The following TPTE2 variants were observed in gnomAD, a reference collection of about 807,000 sequenced individuals.
TPTE2 encodes the protein transmembrane phosphoinositide 3-phosphatase and tensin homolog 2.
A neutral mutation model predicts 78.6 loss-of-function variants in TPTE2; 53 were observed. The ratio of observed to expected loss-of-function variants is 0.67; its 90% CI spans 0.54 to 0.85. TPTE2 has a LOEUF of 0.85. Among genes scored for constraint, TPTE2 ranks in the 40% least tolerant of loss-of-function variants. The pLI is 0.00. For missense variants in TPTE2, 461 were observed against 623.0 expected (o/e 0.74, Z 2.77); for synonymous variants, 175 against 206.2 (o/e 0.85, Z 1.30).
chr13:19,514,251 C>A (rs1869644192), intron 1 of TPTE2, among the ~76,000 whole-genome samples: 1 of 152,162 alleles, frequency 6.6e-6, no homozygotes, highest in Non-Finnish European at 1.5e-5. Flanking sequence ...CTGACCTGAT[C>A]TTATTTTCTC....
rs564619137 is a variant in TPTE2, at chr13:19,476,492, C to T, written c.180-869G>A. Reference sequence around the variant, plus strand: ...CTAAGACAATGCTCACAGCCTGTGCCTAAGACTGGAGAACAAAGAGGGCAG... The same window carrying T: ...CTAAGACAATGCTCACAGCCTGTGCTTAAGACTGGAGAACAAAGAGGGCAG... On this transcript the variant is annotated intron_variant, in intron 4 of 19. Coordinates refer to ENST00000400230, the Ensembl canonical transcript of TPTE2. Among the ~76,000 whole-genome samples, 461 of 152,064 alleles carry T rather than the reference C, an allele frequency of 3.0e-3. 1 individual carries two copies. The Middle Eastern group carries it at 0.041, about 14-fold the overall frequency.
At chr13:19,513,960 T>C (rs1404050378) in intron 1 of TPTE2, among the ~76,000 whole-genome samples, 1 of 152,188 alleles carries the variant, frequency 6.6e-6, no homozygotes, top group Non-Finnish European at 1.5e-5. Context: ...TGACTAAACC[T>C]GAGGCAGGGG....
At chr13:19,509,850 G>A (rs1430001095) in intron 1 of TPTE2, among the ~76,000 whole-genome samples, 1 of 152,010 alleles carries the variant, frequency 6.6e-6, no homozygotes, top group African/African-American at 2.4e-5. Context: ...ATATAAACAA[G>A]GAAAAAGGAT....
chr13:19,537,864 C>T (rs1871298974), upstream of TPTE2, among the ~76,000 whole-genome samples: 1 of 152,146 alleles, frequency 6.6e-6, no homozygotes, highest in Admixed American at 6.5e-5. Flanking sequence ...CTCAGCCTCC[C>T]AAAGTGCTGG....
rs201566674 is a variant in TPTE2 at position 19,432,515 on chromosome 13, G to A, written c.1180C>T (p.Arg394Trp). 3.0e-4 allele frequency: 479 copies of A among 1,607,304 alleles called. 1 individual carries two copies. In the East Asian group the frequency reaches 6.2e-3, roughly 21 times the overall value. Residue 394 changes from arginine (R) to tryptophan (W), a missense_variant, in exon 16 of 20, where the codon CGG becomes TGG. Transcript: ENST00000400230. ...ATGAATCTTTTTATAAAGAGTATCC[G>A]TCTTGGAGGGAGATTCCAGTTGTAG...
intron 6 of TPTE2, among the ~76,000 whole-genome samples, chr13:19,472,601 C>G (rs918021097): frequency 6.6e-6 from 1 of 152,178 alleles, no homozygotes; most frequent in African/African-American, 2.4e-5. Context: ...TCCCTCAACA[C>G]AGCTATTTTG....
upstream of TPTE2, among the ~76,000 whole-genome samples, chr13:19,537,066 A>G (rs571953344): frequency 1.3e-5 from 2 of 151,862 alleles, no homozygotes; most frequent in African/African-American, 2.4e-5. Flanking sequence ...TTGGCCTTCT[A>G]AGGGTTATGC....
At chr13:19,509,240 C>A (rs1869269917) in intron 1 of TPTE2, among the ~76,000 whole-genome samples, 1 of 151,996 alleles carries the variant, frequency 6.6e-6, no homozygotes, top group Non-Finnish European at 1.5e-5. Flanking sequence ...AAGCACAGGG[C>A]AAAGTCTATG....
At chr13:19,423,060 A>G in exon 20 of TPTE2, 1 of 1,612,462 alleles carries the variant, frequency 6.2e-7, no homozygotes, top group Non-Finnish European at 8.5e-7. Flanking sequence ...CATCATTGGA[A>G]GTCATTTCTC....
At chr13:19,506,719 G>A (rs537953536), upstream of TPTE2, among the ~76,000 whole-genome samples, 10 of 152,260 alleles carry the variant, frequency 6.6e-5, no homozygotes, top group African/African-American at 2.4e-4. Context: ...CTTCCTTATA[G>A]CCTTCATAAA....
At chr13:19,537,904 C>T (rs1248172887), upstream of TPTE2, among the ~76,000 whole-genome samples, 1 of 152,036 alleles carries the variant, frequency 6.6e-6, no homozygotes, top group Non-Finnish European at 1.5e-5. Context: ...CATACCCGGC[C>T]GGACAGAAGC....
chr13:19,476,977 A>G (rs1358862707), intron 4 of TPTE2, among the ~76,000 whole-genome samples: 1 of 152,190 alleles, frequency 6.6e-6, no homozygotes, highest in Non-Finnish European at 1.5e-5. Flanking sequence ...CCCATCAATG[A>G]CAGACTGGAT....
In TPTE2 at chr13:19,450,247, T is replaced by G; in HGVS notation, c.884+16A>C. On this transcript the variant is annotated intron_variant, in intron 12 of 19. Coordinates refer to ENST00000400230, the Ensembl canonical transcript of TPTE2. The stretch of plus-strand genomic sequence containing the variant: ...ATTTAGCCCTCTTCTGATAGTCAAT[T>G]TAGCATAAAACTTACTGTAGAGTGG... 6.2e-7 allele frequency: 1 copy of G among 1,611,134 alleles called. No homozygotes were observed. The highest frequency in any genetic ancestry group is 8.5e-7 in the Non-Finnish European group (1 of 1,179,420).
chr13:19,488,428 T>C (rs372931557), intron 3 of TPTE2, among the ~76,000 whole-genome samples: 1 of 152,234 alleles, frequency 6.6e-6, no homozygotes, highest in Non-Finnish European at 1.5e-5. Flanking sequence ...TAAAAGACTA[T>C]CTTGTCTACA....
At chr13:19,544,724 C>CA in the TPTE2 span, among the ~76,000 whole-genome samples, 1 of 152,130 alleles carries the variant, frequency 6.6e-6, no homozygotes, top group Non-Finnish European at 1.5e-5. Context: ...GACAAAACCC[C>CA]ATCTCTACCA....
chr13:19,498,061 T>A (rs1301036488), intron 1 of TPTE2, among the ~76,000 whole-genome samples: 1 of 150,102 alleles, frequency 6.7e-6, no homozygotes, highest in African/African-American at 2.4e-5. Flanking sequence ...CAATGGAAGA[T>A]GAAATGAATG....
chr13:19,497,808 T>A (rs1480085484), intron 1 of TPTE2, among the ~76,000 whole-genome samples: 1 of 151,126 alleles, frequency 6.6e-6, no homozygotes, highest in Non-Finnish European at 1.5e-5. Flanking sequence ...GAGAATGACT[T>A]TGACAAGCTG....
intron 1 of TPTE2, among the ~76,000 whole-genome samples, chr13:19,509,494 A>G (rs1319589461): frequency 6.6e-6 from 1 of 152,174 alleles, no homozygotes; most frequent in African/African-American, 2.4e-5. Context: ...ATGTTAATAA[A>G]TGTGAAAACT....
intron 11 of TPTE2, 123 bp from the exon 15 acceptor site, chr13:19,450,467 T>G (rs1878108251): frequency 2.3e-6 from 2 of 856,270 alleles, no homozygotes; most frequent in Admixed American, 2.9e-5. Context: ...GCTTTCCAAG[T>G]TGCTCCTGCC....
Sources: allele counts gnomAD v4.1 joint callset (sites outside exome capture counted in the v4.1 genomes callset), GRCh38; gene constraint gnomAD v4.1.1; transcripts MANE v1.5; gene names NCBI Gene and HGNC (gene_info 2026-07-23, HGNC 2026-07-21).